The following NAV3 variants were observed in gnomAD, a reference collection of about 807,000 sequenced individuals.
NAV3 encodes the protein neuron navigator 3.
A neutral mutation model predicts 244.7 loss-of-function variants in NAV3; 87 were observed. The observed-to-expected ratio is 0.36, with a 90% CI of 0.30 to 0.42. The LOEUF is 0.42. Among genes scored for constraint, NAV3 ranks in the 20% least tolerant of loss-of-function variants. The pLI, the probability that NAV3 is intolerant of heterozygous loss-of-function variation, is 1.00. For missense variants in NAV3, 2,663 were observed against 2,893.3 expected, an observed-to-expected ratio of 0.92 and a Z score of 1.83; for synonymous variants, 1,126 against 1,042.2, an observed-to-expected ratio of 1.08 and a Z score of -1.55.
At chr12:77,628,658 C>T (rs184035333) in intron 2 of NAV3, among the ~76,000 whole-genome samples, 13 of 151,762 alleles carry the variant, frequency 8.6e-5, no homozygotes, top group East Asian at 1.9e-4. Context: ...TCAAGGCAGG[C>T]GAATTGTTTG....
Position 77,938,334 on chromosome 12 carries a change from C to T in NAV3, c.244-1985C>T, listed in dbSNP as rs140991910. 1.8e-3 allele frequency among the ~76,000 whole-genome samples: 272 copies of T among 152,232 alleles called. 3 individuals are homozygous for T. The highest frequency in any genetic ancestry group is 6.3e-3 in the African/African-American group (262 of 41,554). On this transcript the variant is annotated intron_variant, in intron 1 of 39. Transcript: ENST00000397909. ...AATTATTACCAAATAAAAGCATCCACCTAAAAATCATGTATTTGTGTGCTA... is the reference window on the plus strand; with the variant it reads ...AATTATTACCAAATAAAAGCATCCATCTAAAAATCATGTATTTGTGTGCTA...
chr12:77,888,947 C>A (rs1383861796), intron 1 of NAV3, among the ~76,000 whole-genome samples: 2 of 152,066 alleles, frequency 1.3e-5, no homozygotes, highest in Non-Finnish European at 2.9e-5. Flanking sequence ...AATTTTAGGA[C>A]AGATTTGGTC....
intron 2 of NAV3, among the ~76,000 whole-genome samples, chr12:77,810,273 G>A (rs901494396): frequency 1.7e-4 from 26 of 152,126 alleles, no homozygotes; most frequent in Non-Finnish European, 1.0e-4. Flanking sequence ...CCGGGTTCAC[G>A]CCATTCTCCT....
intron 12 of NAV3, among the ~76,000 whole-genome samples, chr12:78,072,936 C>T (rs1952852942): frequency 1.4e-5 from 2 of 142,320 alleles, no homozygotes; most frequent in African/African-American, 2.5e-5. Context: ...AGACAAAAAC[C>T]ACATGATTAT....
chr12:77,831,413 A>C lies in NAV3; in HGVS notation c.-49A>C, dbSNP rs1873668426. 1 of 1,527,708 alleles carries C rather than the reference A, an allele frequency of 6.5e-7. No individual in the cohort carries two copies. The highest frequency in any genetic ancestry group is 8.8e-7 in the Non-Finnish European group (1 of 1,140,770). 94.6% of individuals were successfully genotyped at this position (1,527,708 alleles called of 1,614,324 possible). A position where few individuals can be genotyped will look rare whatever the true frequency, so the allele number is the denominator to read the frequency against. Reference sequence around the variant, plus strand: ...ACTAAAGTTGGAGTCTACCAGACTGAGGTTAGAAGCATTTTCTTTGGCAGC... The same window carrying C: ...ACTAAAGTTGGAGTCTACCAGACTGCGGTTAGAAGCATTTTCTTTGGCAGC... On this transcript the variant is annotated 5_prime_UTR_variant, in exon 1 of 40. Transcript: ENST00000397909.
At chr12:78,175,237 C>A (rs2139644305) in intron 24 of NAV3, 69 bp from the exon 25 acceptor site, 1 of 1,552,428 alleles carries the variant, frequency 6.4e-7, no homozygotes, top group Non-Finnish European at 8.8e-7. Context: ...TCTCAAAAGA[C>A]CTAAAAGACT....
intron 2 of NAV3, among the ~76,000 whole-genome samples, chr12:77,636,173 G>A (rs1274492763): frequency 6.6e-6 from 1 of 152,032 alleles, no homozygotes; most frequent in Non-Finnish European, 1.5e-5. Flanking sequence ...TCATTAAAAA[G>A]TCAGGAAACA....
intron 1 of NAV3, among the ~76,000 whole-genome samples, chr12:77,886,172 T>A (rs942330066): frequency 2.6e-5 from 4 of 152,116 alleles, no homozygotes; most frequent in African/African-American, 9.7e-5. Flanking sequence ...ATATGAATGC[T>A]CTCTATAGCC....
intron 2 of NAV3, among the ~76,000 whole-genome samples, chr12:77,748,472 A>T (rs1466232461): frequency 6.6e-6 from 1 of 152,226 alleles, no homozygotes; most frequent in Non-Finnish European, 1.5e-5. Context: ...AATGCTGGCA[A>T]GACATGAAAA....
intron 2 of NAV3, among the ~76,000 whole-genome samples, chr12:77,732,224 T>C (rs1437789666): frequency 1.1e-4 from 17 of 151,926 alleles, no homozygotes. Flanking sequence ...GTTTATCTGT[T>C]GGTGAAGAGT....
At chr12:78,049,965 T>C (rs1394568130) in intron 9 of NAV3, 28 bp from the exon 10 acceptor site, 1 of 1,504,274 alleles carries the variant, frequency 6.6e-7, no homozygotes, top group Non-Finnish European at 9.1e-7. Flanking sequence ...ATGTCATGAA[T>C]AGCAAATTTA....
At chr12:77,719,116 A>T (rs1164144942) in intron 2 of NAV3, among the ~76,000 whole-genome samples, 2 of 151,798 alleles carry the variant, frequency 1.3e-5, no homozygotes, top group Admixed American at 6.6e-5. Flanking sequence ...TCCATTTTGG[A>T]TTGCTCATTG....
At chr12:77,675,411 C>CT (rs975521372) in intron 2 of NAV3, among the ~76,000 whole-genome samples, 14 of 151,568 alleles carry the variant, frequency 9.2e-5, no homozygotes, top group African/African-American at 3.4e-4. Context: ...TTCAGCTCTG[C>CT]TTTTAAGACC....
chr12:77,837,483 C>T lies in NAV3; in HGVS notation c.243+5779C>T, dbSNP rs1253650859. 2.6e-5 allele frequency among the ~76,000 whole-genome samples: 4 copies of T among 152,156 alleles called. No individual in the cohort carries two copies. The East Asian group carries it at 7.8e-4, about 30-fold the overall frequency. Reference sequence around the variant, plus strand: ...CAAACACTTCATAGAGTATTCCATTCAGTCCTCACAATAGCCTTATGGCAT... The same window carrying T: ...CAAACACTTCATAGAGTATTCCATTTAGTCCTCACAATAGCCTTATGGCAT... On this transcript the variant is annotated intron_variant, in intron 1 of 39. Transcript: ENST00000397909.
intron 2 of NAV3, among the ~76,000 whole-genome samples, chr12:77,662,605 G>A (rs1420146777): frequency 6.6e-6 from 1 of 152,040 alleles, no homozygotes; most frequent in Non-Finnish European, 1.5e-5. Context: ...TGTTGGGTGA[G>A]AGAATGGATT....
intron 1 of NAV3, among the ~76,000 whole-genome samples, chr12:77,832,504 G>A (rs1241302955): frequency 6.6e-6 from 1 of 151,988 alleles, no homozygotes; most frequent in Admixed American, 6.6e-5. Context: ...ATATTTATGG[G>A]TACATATTGG....
At chr12:77,925,655 A>G (rs1228902073) in intron 1 of NAV3, among the ~76,000 whole-genome samples, 1 of 152,146 alleles carries the variant, frequency 6.6e-6, no homozygotes, top group Non-Finnish European at 1.5e-5. Flanking sequence ...TGACAAGGCT[A>G]CGCAGCAGCA....
intron 8 of NAV3, among the ~76,000 whole-genome samples, chr12:78,019,315 T>C (rs1876760481): frequency 6.6e-6 from 1 of 152,156 alleles, no homozygotes; most frequent in South Asian, 2.1e-4. Context: ...TTTACCGTTG[T>C]GGCTAATATT....
chr12:77,843,844 A>T (rs1876145056), intron 1 of NAV3, among the ~76,000 whole-genome samples: 1 of 152,140 alleles, frequency 6.6e-6, no homozygotes, highest in African/African-American at 2.4e-5. Flanking sequence ...AAAAAAAAAA[A>T]AGATTTAGTA....
Sources: gnomAD v4.1 joint callset for allele counts (sites outside exome capture counted in the v4.1 genomes callset) on GRCh38, gnomAD v4.1.1 for gene constraint, MANE v1.5 for transcripts, NCBI Gene and HGNC (gene_info 2026-07-23, HGNC 2026-07-21) for gene names.